GNGT2: variants seen among roughly 807,000 people sequenced by gnomAD.
GNGT2 encodes guanine nucleotide-binding protein G(I)/G(S)/G(O) subunit gamma-T2.
A neutral mutation model predicts 3.5 loss-of-function variants in GNGT2; 4 were observed. The ratio of observed to expected loss-of-function variants is 1.13; its 90% CI spans 0.56 to 2.59. The LOEUF (loss-of-function observed/expected upper bound fraction) is 2.59. Among genes scored for constraint, GNGT2 ranks in the 30% most tolerant of loss-of-function variants. GNGT2 has a pLI of 0.02. For missense variants in GNGT2, 64 were observed against 81.2 expected, an observed-to-expected ratio of 0.79 and a Z score of 0.82; for synonymous variants, 31 against 29.5, an observed-to-expected ratio of 1.05 and a Z score of -0.17.
rs2043109114 is a variant in GNGT2 at position 49,206,596 on chromosome 17, G to C, written c.*161C>G. On this transcript the variant is annotated 3_prime_UTR_variant, in exon 4 of 4. Coordinates refer to ENST00000507680, the MANE Select transcript of GNGT2 (RefSeq NM_001198754.2). ...GTGGAGGAAATAATGGGAGAAAAGA[G>C]TTGAAGGTGGGAGTGGGGAATGGGT... 1.5e-6 allele frequency: 1 copy of C among 647,644 alleles called. No individual in the cohort carries two copies. The highest frequency in any genetic ancestry group is 2.6e-6 in the Non-Finnish European group (1 of 380,776). The allele number at this position is 647,644 out of a possible 1,614,324, so 40.1% of individuals were successfully genotyped here.
chr17:49,207,283 C>G (rs1487423017), intron 3 of GNGT2, 56 bp downstream of exon 3: 18 of 1,288,546 alleles, frequency 1.4e-5, no homozygotes, highest in Non-Finnish European at 2.0e-5. Flanking sequence ...CTTCCTCCTT[C>G]CCGGGGCTCA....
Position 49,207,581 on chromosome 17 carries a change from T to G in GNGT2, c.-22-137A>C, listed in dbSNP as rs1006919190. ...CATTCAACAGATATTCACTCCATCC[T>G]TGCATGCCCTGCTTCTTCAAGAGTC... On this transcript the variant is annotated intron_variant, in intron 2 of 3. Transcript: ENST00000507680. The G allele has an allele frequency of 7.9e-6, 5 of 633,920 alleles. No individual in the cohort carries two copies. In the African/African-American group the frequency reaches 9.1e-5, roughly 12 times the overall value. The allele number at this position is 633,920 out of a possible 1,614,324, so 39.3% of individuals were successfully genotyped here.
intron 2 of GNGT2, among the ~76,000 whole-genome samples, chr17:49,208,054 A>C (rs2043121488): frequency 6.6e-6 from 1 of 152,026 alleles, no homozygotes; most frequent in African/African-American, 2.4e-5. Flanking sequence ...AATCCCAGCT[A>C]CTCGGGAGGC....
At chr17:49,207,508 C>T (rs1056875214) in intron 2 of GNGT2, 64 bp from the exon 3 acceptor site, 22 of 863,142 alleles carry the variant, frequency 2.5e-5, no homozygotes, top group Non-Finnish European at 2.8e-5. Flanking sequence ...CTCCACACCT[C>T]GACTTCTAGC....
chr17:49,207,575 C>G (rs1233150882), intron 2 of GNGT2, 131 bp from the exon 3 acceptor site: 1 of 650,634 alleles, frequency 1.5e-6, no homozygotes, highest in Non-Finnish European at 2.8e-6. Flanking sequence ...GATATTCACT[C>G]CATCCTTGCA....
intron 2 of GNGT2, 94 bp downstream of exon 2, chr17:49,208,751 A>G (rs940478651): frequency 6.6e-6 from 1 of 152,166 alleles, no homozygotes; most frequent in African/African-American, 2.4e-5. Context: ...TGTTATTATT[A>G]TCACTGCAGG....
chr17:49,207,124 C>T (rs1198864238), intron 3 of GNGT2, among the ~76,000 whole-genome samples: 3 of 152,152 alleles, frequency 2.0e-5, no homozygotes, highest in Non-Finnish European at 2.9e-5. Flanking sequence ...ACGCTGAGCT[C>T]TCCAAGGCCC....
rs1189582466 is a variant in GNGT2 at position 49,207,444 on chromosome 17, C to T, written c.-22G>A. On this transcript the variant is annotated splice_region_variant and 5_prime_UTR_variant, in exon 3 of 4. Coordinates refer to ENST00000507680, the MANE Select transcript of GNGT2 (RefSeq NM_001198754.2). ...CCATCCTGCCCTAGACAGACCTGAT[C>T]CTGGAAAGGATTCAGCAGCCAGGAT... 3.9e-6 allele frequency: 6 copies of T among 1,540,052 alleles called. No individual in the cohort carries two copies. Among genetic ancestry groups the T allele is most frequent in the African/African-American group, 1.4e-5 (1 of 73,624 alleles).
At chr17:49,209,012 T>A (rs906699742) in intron 1 of GNGT2, 58 bp from the exon 2 acceptor site, 2 of 152,254 alleles carry the variant, frequency 1.3e-5, no homozygotes, top group Non-Finnish European at 2.9e-5. Context: ...TCTAAGCCCA[T>A]CACCCGCTTG....
intron 3 of GNGT2, 142 bp downstream of exon 3, chr17:49,207,197 T>C: frequency 1.3e-6 from 1 of 755,064 alleles, no homozygotes; most frequent in Non-Finnish European, 2.4e-6. Context: ...AGCCTTTCTC[T>C]GCATCCTACC....
intron 2 of GNGT2, among the ~76,000 whole-genome samples, chr17:49,207,906 C>T (rs1160877918): frequency 6.6e-6 from 1 of 152,170 alleles, no homozygotes; most frequent in East Asian, 1.9e-4. Flanking sequence ...TGGCTCACCC[C>T]TATAATCCCA....
At chr17:49,209,075 A>G (rs2043133511) in intron 1 of GNGT2, 121 bp from the exon 2 acceptor site, 1 of 152,444 alleles carries the variant, frequency 6.6e-6, no homozygotes, top group Non-Finnish European at 1.5e-5. Flanking sequence ...TCTCCCCACA[A>G]AAACAAACGC....
rs1257867202 is a variant in GNGT2, at chr17:49,206,825, G to A, written c.142C>T (p.Pro48Ser). 6.2e-7 allele frequency: 1 copy of A among 1,613,646 alleles called. No homozygotes were observed. The highest frequency in any genetic ancestry group is 1.1e-5 in the South Asian group (1 of 91,068). ...EYVEAQAGND[P>S]FLKGIPEDKN... is the part of the protein sequence containing the mutation. ...TCCTCAGGGATGCCTTTGAGAAAAG[G>A]ATCGTTTCCTGCTTGGGCCTCCACG... The change falls in exon 4 of 4, where the codon CCT (proline) becomes TCT (serine). Residue 48 changes from proline to serine, a missense_variant. Coordinates refer to ENST00000507680, the MANE Select transcript of GNGT2 (RefSeq NM_001198754.2).
At chr17:49,207,139 G>A (rs1485524603) in intron 3 of GNGT2, among the ~76,000 whole-genome samples, 200 bp downstream of exon 3, 1 of 152,152 alleles carries the variant, frequency 6.6e-6, no homozygotes, top group Non-Finnish European at 1.5e-5. Flanking sequence ...AGGCCCTGAA[G>A]CTCTCTCCTG....
chr17:49,209,794 G>A (rs962912004), intron 1 of GNGT2, among the ~76,000 whole-genome samples: 3 of 152,146 alleles, frequency 2.0e-5, no homozygotes, highest in African/African-American at 4.8e-5. Context: ...CTCTCAGCTG[G>A]GAGCTCTAAG....
At position 49,210,320 on chromosome 17, in the gene GNGT2, T is replaced by C. The variant is rs149838793; in HGVS notation, c.-133+124A>G. The C allele has an allele frequency of 8.3e-4, 133 of 161,100 alleles. 1 individual carries two copies. In the East Asian group the frequency reaches 0.016, roughly 19 times the overall value. The allele number at this position is 161,100 out of a possible 1,614,324, so 10.0% of individuals were successfully genotyped here. A position where few individuals can be genotyped will look rare whatever the true frequency, so the allele number is the denominator to read the frequency against. On this transcript the variant is annotated intron_variant, in intron 1 of 3. Transcript: ENST00000507680. This position sits in a 1 kb window ranked among gnomAD's most constrained non-coding sequence, Gnocchi z 4.2. The stretch of plus-strand genomic sequence containing the variant: ...CTCTGCCCTTTCCTCCCGCCTTCCA[T>C]GAGTGGAAAATCCACCTCCGCCCCC...
At chr17:49,208,095 G>A (rs1293118417) in intron 2 of GNGT2, among the ~76,000 whole-genome samples, 1 of 151,844 alleles carries the variant, frequency 6.6e-6, no homozygotes, top group Non-Finnish European at 1.5e-5. Context: ...AACCTGGGAG[G>A]CGAAGGTTGC....
chr17:49,207,841 A>C (rs902345010), intron 2 of GNGT2, among the ~76,000 whole-genome samples: 6 of 152,218 alleles, frequency 3.9e-5, no homozygotes, highest in Non-Finnish European at 8.8e-5. Context: ...CTCCAGGTCC[A>C]GCAAGGGAGA....
At chr17:49,206,973 G>A (rs2043112323) in intron 3 of GNGT2, 91 bp from the exon 4 acceptor site, 1 of 1,366,676 alleles carries the variant, frequency 7.3e-7, no homozygotes, top group Non-Finnish European at 1.0e-6. Context: ...TCTGGGCAGG[G>A]CAGAGACAGG....
Sources: allele counts gnomAD v4.1 joint callset (sites outside exome capture counted in the v4.1 genomes callset), GRCh38; gene constraint gnomAD v4.1.1; non-coding constraint Gnocchi (gnomAD v3.1); transcripts MANE v1.5; gene names NCBI Gene and HGNC (gene_info 2026-07-23, HGNC 2026-07-21).